The following ZNF681 variants were observed in gnomAD, a reference collection of about 807,000 sequenced individuals.
ZNF681 encodes hypothetical protein FLJ31526.
In ZNF681, 37 loss-of-function variants were observed where a neutral mutation model predicts 56.0. The ratio of observed to expected loss-of-function variants is 0.66; its 90% CI spans 0.51 to 0.87. The LOEUF is 0.87. ZNF681 is among the 40% of genes least tolerant of loss of function. The pLI, the probability that ZNF681 is intolerant of heterozygous loss-of-function variation, is 0.00. For synonymous variants in ZNF681, 225 were observed against 248.6 expected (o/e 0.91, Z 0.89); for missense variants, 741 against 744.9 (o/e 0.99, Z 0.06).
At chr19:23,750,013 C>T (rs968403952) in intron 3 of ZNF681, among the ~76,000 whole-genome samples, 3 of 150,872 alleles carry the variant, frequency 2.0e-5, no homozygotes, top group East Asian at 1.9e-4. Context: ...GGCCGGGCAC[C>T]GTGGCTCACG....
Position 23,745,038 on chromosome 19 carries a change from T to A in ZNF681, c.512A>T (p.Lys171Ile), listed in dbSNP as rs762898452. 7 of 1,592,908 alleles carry A rather than the reference T, an allele frequency of 4.4e-6. No homozygotes were observed. The African/African-American group carries it at 6.7e-5, about 15-fold the overall frequency. The change falls in exon 4 of 4, where the codon AAA becomes ATA. Residue 171 changes from lysine (K) to isoleucine (I), a missense_variant. Transcript: ENST00000402377. ...KVRHTRKKPF[K>I]YKEFGKSFCI... ...AAATGATTTGCCAAATTCTTTATAT[T>A]TAAAAGGTTTTTTTCTGGTGTGTCT...
chr19:23,741,646 T>C lies in ZNF681; in HGVS notation c.*1966A>G, dbSNP rs1965578. On this transcript the variant is annotated 3_prime_UTR_variant, in exon 4 of 4. Coordinates refer to ENST00000402377, the MANE Select transcript of ZNF681 (RefSeq NM_138286.3). ...ATCACTTGAACCCAGTAGGCGGAGG[T>C]TGCAGTGAGCTGAGACCACGCCAAT... 0.98 allele frequency: 149,024 copies of C among 152,298 alleles called. 73,004 individuals are homozygous for C. Among genetic ancestry groups the C allele is most frequent in the Middle Eastern group, 1 (294 of 294 alleles). 9.4% of individuals were successfully genotyped at this position (152,298 alleles called of 1,614,324 possible). A position where few individuals can be genotyped will look rare whatever the true frequency, so the allele number is the denominator to read the frequency against.
In ZNF681 at chr19:23,743,907, T is replaced by C; in HGVS notation, c.1643A>G (p.His548Arg). The change falls in exon 4 of 4, where the codon CAT (histidine) becomes CGT (arginine). Residue 548 changes from histidine to arginine, a missense_variant. Physicochemically the swap from His to Arg is conservative, Grantham distance 29. Coordinates refer to ENST00000402377, the MANE Select transcript of ZNF681 (RefSeq NM_138286.3). The stretch of plus-strand genomic sequence containing the variant: ...ATGAATTACCTTATGTGTAGCAAGA[T>C]GTGAGGAATGGTTAAAGGCTTTGCC... ...ECGKAFNHSS[H>R]LATHKVIHTG... 1 of 1,603,258 alleles carries C rather than the reference T, an allele frequency of 6.2e-7. No homozygotes were observed. Among genetic ancestry groups the C allele is most frequent in the South Asian group, 1.1e-5 (1 of 90,558 alleles).
chr19:23,755,371 G>A, intron 2 of ZNF681, 54 bp downstream of exon 2: 1 of 1,544,922 alleles, frequency 6.5e-7, no homozygotes, highest in South Asian at 1.3e-5. Flanking sequence ...ATACAAAAAA[G>A]AAAAATGAAA....
chr19:23,750,393 T>C (rs1026617852), intron 3 of ZNF681, among the ~76,000 whole-genome samples: 3 of 151,770 alleles, frequency 2.0e-5, no homozygotes, highest in Non-Finnish European at 2.9e-5. Flanking sequence ...ACATATATAC[T>C]CTCATTGTGA....
rs540451087 is a variant in ZNF681 at position 23,749,665 on chromosome 19, C to T, written c.227-4342G>A. Reference sequence around the variant, plus strand: ...ATCTCCATATGTTGCCCAGGCTGGTCTCAAACTTTTGGGATCAAGCAATCC... The same window carrying T: ...ATCTCCATATGTTGCCCAGGCTGGTTTCAAACTTTTGGGATCAAGCAATCC... On this transcript the variant is annotated intron_variant, in intron 3 of 3. Transcript: ENST00000402377. Among the ~76,000 whole-genome samples the T allele has an allele frequency of 4.0e-5, 6 of 151,886 alleles. No individual in the cohort carries two copies. The South Asian group carries it at 1.2e-3, about 32-fold the overall frequency.
rs1331220018 is a variant in ZNF681 at position 23,758,849 on chromosome 19, A to T, written c.-100T>A. On this transcript the variant is annotated 5_prime_UTR_variant, in exon 1 of 4. Coordinates refer to ENST00000402377, the MANE Select transcript of ZNF681 (RefSeq NM_138286.3). ...GGGCCTCTAGAAGAAGAGGACACAG[A>T]GCAGTGAAGACGAGACCCGGAGCTC... 1 of 1,546,956 alleles carries T rather than the reference A, an allele frequency of 6.5e-7. No individual in the cohort carries two copies. The highest frequency in any genetic ancestry group is 1.4e-5 in the African/African-American group (1 of 73,180).
At chr19:23,755,136 A>G (rs989685848) in intron 2 of ZNF681, among the ~76,000 whole-genome samples, 2 of 152,168 alleles carry the variant, frequency 1.3e-5, no homozygotes, top group African/African-American at 4.8e-5. Context: ...GGTGTTGGCA[A>G]TTAGATTTTA....
In ZNF681 at chr19:23,744,907, T is replaced by C. The variant is rs771124503; in HGVS notation, c.643A>G (p.Lys215Glu). The change falls in exon 4 of 4, where the codon AAA becomes GAA. Residue 215 changes from lysine to glutamate, a missense_variant. Physicochemically the swap from Lys to Glu is moderately conservative, Grantham distance 56. Transcript: ENST00000402377. ...KAFNGSSIFT[K>E]HKRIHIGEKS... ...TCTCCAATATGAATTCTTTTATGTT[T>C]AGTAAAGATTGAGGATCCATTAAAG... 1.2e-6 allele frequency: 2 copies of C among 1,609,732 alleles called. No homozygotes were observed. The highest frequency in any genetic ancestry group is 1.7e-6 in the Non-Finnish European group (2 of 1,178,008).
chr19:23,752,792 C>G (rs922421385), intron 3 of ZNF681, among the ~76,000 whole-genome samples: 3 of 152,124 alleles, frequency 2.0e-5, no homozygotes, highest in Admixed American at 6.6e-5. Flanking sequence ...CTTGAAGAGG[C>G]TTTTGCTTTT....
At position 23,739,522 on chromosome 19, in the gene ZNF681, A is replaced by C. The variant is rs1051364344; in HGVS notation, c.*4090T>G. The C allele has an allele frequency of 3.3e-5, 5 of 152,212 alleles. No homozygotes were observed. Among genetic ancestry groups the C allele is most frequent in the Non-Finnish European group, 7.3e-5 (5 of 68,036 alleles). The allele number at this position is 152,212 out of a possible 1,614,324, so 9.4% of individuals were successfully genotyped here. A position where few individuals can be genotyped will look rare whatever the true frequency, so the allele number is the denominator to read the frequency against. On this transcript the variant is annotated 3_prime_UTR_variant, in exon 4 of 4. Coordinates refer to ENST00000402377, the MANE Select transcript of ZNF681 (RefSeq NM_138286.3). ...TGTTAACTATGTTAGGTAAAGCATT[A>C]ATTACCTAGAATGAAGCATTTGACA... is the stretch of plus-strand genomic sequence containing the variant.
Position 23,744,095 on chromosome 19 carries a change from T to C in ZNF681, c.1455A>G (p.Lys485=), listed in dbSNP as rs1315806668. Reference sequence around the variant, plus strand: ...TAAGGATTGAGGACTGGTTAAAAGCTTTGCCACATTCTTCACATTTGTAGG... The same window carrying C: ...TAAGGATTGAGGACTGGTTAAAAGCCTTGCCACATTCTTCACATTTGTAGG... The part of the protein sequence containing the change: ...EKPYKCEECG[K]AFNQSSILTT... The change falls in exon 4 of 4, where the codon AAA becomes AAG. Residue 485 remains lysine (K), a synonymous_variant. Coordinates refer to ENST00000402377, the MANE Select transcript of ZNF681 (RefSeq NM_138286.3). The C allele has an allele frequency of 6.2e-7, 1 of 1,612,152 alleles. No individual in the cohort carries two copies. The highest frequency in any genetic ancestry group is 8.5e-7 in the Non-Finnish European group (1 of 1,178,904).
rs1012408436 is a variant in ZNF681, at chr19:23,741,035, G to T, written c.*2577C>A. On this transcript the variant is annotated 3_prime_UTR_variant, in exon 4 of 4. Coordinates refer to ENST00000402377, the MANE Select transcript of ZNF681 (RefSeq NM_138286.3). ...AGTAATCAATTCAATACAAAGCAGA[G>T]AGTATGGATTTGTTTTCAGCATTTT... 2.6e-5 allele frequency: 4 copies of T among 152,060 alleles called. No individual in the cohort carries two copies. The allele number at this position is 152,060 out of a possible 1,614,324, so 9.4% of individuals were successfully genotyped here.
intron 2 of ZNF681, among the ~76,000 whole-genome samples, chr19:23,755,177 A>C (rs1418605879): frequency 6.6e-6 from 1 of 152,182 alleles, no homozygotes; most frequent in Non-Finnish European, 1.5e-5. Context: ...TATGCCACTA[A>C]ACTTCTGGAA....
chr19:23,757,091 T>C (rs1969133634), intron 1 of ZNF681, among the ~76,000 whole-genome samples: 1 of 151,954 alleles, frequency 6.6e-6, no homozygotes, highest in African/African-American at 2.4e-5. Flanking sequence ...GGCTGGTCTC[T>C]TTGCCAGGCT....
Position 23,743,497 on chromosome 19 carries a change from T to G in ZNF681, c.*115A>C, listed in dbSNP as rs1599450348. ...TTTCCTGTGCAATAAGGTGTGAGCA[T>G]TGGTTAAAAGTTTTGCCACATTCTT... On this transcript the variant is annotated 3_prime_UTR_variant, in exon 4 of 4. Coordinates refer to ENST00000402377, the MANE Select transcript of ZNF681 (RefSeq NM_138286.3). 2.5e-5 allele frequency: 24 copies of G among 954,432 alleles called. No individual in the cohort carries two copies. The East Asian group carries it at 6.6e-4, about 26-fold the overall frequency. 59.1% of individuals were successfully genotyped at this position (954,432 alleles called of 1,614,324 possible).
At chr19:23,752,494 A>G (rs1215813513) in intron 3 of ZNF681, among the ~76,000 whole-genome samples, 1 of 112,672 alleles carries the variant, frequency 8.9e-6, no homozygotes, top group Non-Finnish European at 1.8e-5. Context: ...ACTCATCCAC[A>G]TTCTTAAATA....
intron 3 of ZNF681, among the ~76,000 whole-genome samples, chr19:23,750,988 G>T (rs1969019659): frequency 6.6e-6 from 1 of 151,434 alleles, no homozygotes; most frequent in South Asian, 2.1e-4. Context: ...AATTAACCAG[G>T]CATGGTGGCA....
intron 3 of ZNF681, among the ~76,000 whole-genome samples, chr19:23,754,402 G>A (rs145655948): frequency 5.7e-4 from 87 of 152,258 alleles, no homozygotes; most frequent in Non-Finnish European, 1.1e-3. Context: ...CGTGGCTCAT[G>A]CCTGTAATCG....
Sources: allele counts gnomAD v4.1 joint callset (sites outside exome capture counted in the v4.1 genomes callset), GRCh38; gene constraint gnomAD v4.1.1; transcripts MANE v1.5; gene names NCBI Gene and HGNC (gene_info 2026-07-23, HGNC 2026-07-21).